Variants in NRXN3 observed in about 807,000 individuals in gnomAD.
NRXN3 encodes the protein neurexin 3, also known as neurexin III.
Under a neutral mutation model 137.6 loss-of-function variants are expected in NRXN3, and 32 were observed. That is an observed-to-expected ratio of 0.23 (90% CI 0.18 to 0.31). The LOEUF is 0.31. Among genes scored for constraint, NRXN3 ranks in the 10% least tolerant of loss-of-function variants. The pLI, the probability that NRXN3 is intolerant of heterozygous loss-of-function variation, is 1.00. For missense variants in NRXN3, 1,574 were observed against 2,062.5 expected (o/e 0.76, Z 4.59); for synonymous variants, 798 against 784.5 (o/e 1.02, Z -0.29).
chr14:78,403,701 C>T (rs922768084), intron 4 of NRXN3: 1 of 985,206 alleles, frequency 1.0e-6, no homozygotes, highest in African/African-American at 1.7e-5. Context: ...CAGCTTCCTG[C>T]ACACTGTTGT....
intron 15 of NRXN3, among the ~76,000 whole-genome samples, chr14:79,161,115 A>G (rs2060726806): frequency 6.6e-6 from 1 of 151,952 alleles, no homozygotes; most frequent in South Asian, 2.1e-4. Flanking sequence ...TCTTCATATA[A>G]TGCACAGACT....
At chr14:78,926,026 T>C (rs1021873226) in intron 10 of NRXN3, among the ~76,000 whole-genome samples, 1 of 152,228 alleles carries the variant, frequency 6.6e-6, no homozygotes, top group Non-Finnish European at 1.5e-5. Context: ...ATTCCCCTTT[T>C]ACAGCTGAGG....
intron 4 of NRXN3, among the ~76,000 whole-genome samples, chr14:78,628,626 T>C (rs1484356246): frequency 2.0e-5 from 3 of 152,176 alleles, no homozygotes; most frequent in Non-Finnish European, 4.4e-5. Context: ...ACCCCAGTAA[T>C]GGTTGGGTAC....
intron 16 of NRXN3, among the ~76,000 whole-genome samples, chr14:79,627,525 A>G (rs2098295602): frequency 6.6e-6 from 1 of 152,186 alleles, no homozygotes; most frequent in Non-Finnish European, 1.5e-5. Flanking sequence ...TGATAACCTT[A>G]TTCATTATTA....
chr14:78,745,648 A>G (rs1290832255), intron 8 of NRXN3, among the ~76,000 whole-genome samples: 2 of 152,182 alleles, frequency 1.3e-5, no homozygotes, highest in East Asian at 3.9e-4. Context: ...TGCCAGGCAC[A>G]GTTTATTTGT....
At chr14:79,351,764 C>A (rs1478490531) in intron 15 of NRXN3, among the ~76,000 whole-genome samples, 1 of 152,158 alleles carries the variant, frequency 6.6e-6, no homozygotes, top group African/African-American at 2.4e-5. Flanking sequence ...AGTAAAAGCA[C>A]CCATCATGAC....
intron 15 of NRXN3, among the ~76,000 whole-genome samples, chr14:79,427,446 A>T (rs1236522597): frequency 6.7e-6 from 1 of 149,202 alleles, no homozygotes; most frequent in Non-Finnish European, 1.5e-5. Context: ...ACACACAAAC[A>T]CACACACACA....
At chr14:79,511,742 T>C (rs547912943) in intron 16 of NRXN3, among the ~76,000 whole-genome samples, 12 of 152,186 alleles carry the variant, frequency 7.9e-5, no homozygotes, top group Non-Finnish European at 1.3e-4. Flanking sequence ...CCAAATCCTA[T>C]GTTTTCTCTG....
intron 16 of NRXN3, among the ~76,000 whole-genome samples, chr14:79,516,168 A>G (rs1255989277): frequency 1.3e-5 from 2 of 152,142 alleles, no homozygotes; most frequent in South Asian, 2.1e-4. Flanking sequence ...CGCTCCATCT[A>G]ATGAATGTTG....
intron 15 of NRXN3, among the ~76,000 whole-genome samples, chr14:79,178,065 A>T (rs566996294): frequency 2.0e-5 from 3 of 152,204 alleles, no homozygotes; most frequent in Non-Finnish European, 4.4e-5. Flanking sequence ...CTCCATTGGT[A>T]TCCTCAACCT....
chr14:79,511,193 G>C (rs2096929160), intron 16 of NRXN3, among the ~76,000 whole-genome samples: 1 of 152,218 alleles, frequency 6.6e-6, no homozygotes, highest in Non-Finnish European at 1.5e-5. Context: ...TCACTGGAAA[G>C]ATAGCAAGTG....
At chr14:78,260,257 A>G (rs528406290) in intron 2 of NRXN3, among the ~76,000 whole-genome samples, 14 of 152,326 alleles carry the variant, frequency 9.2e-5, no homozygotes, top group African/African-American at 2.9e-4. Context: ...CTCTTCACAT[A>G]TGGCAGAGAA....
At chr14:78,733,478 C>T (rs2098526652) in intron 8 of NRXN3, among the ~76,000 whole-genome samples, 1 of 152,092 alleles carries the variant, frequency 6.6e-6, no homozygotes, top group South Asian at 2.1e-4. Context: ...TGCGACCATC[C>T]AAGCAAAGTG....
chr14:78,980,446 T>A (rs2099486593), intron 14 of NRXN3, among the ~76,000 whole-genome samples: 1 of 152,234 alleles, frequency 6.6e-6, no homozygotes, highest in African/African-American at 2.4e-5. Flanking sequence ...GGAAAGTGCA[T>A]TCTGATACTA....
chr14:79,272,315 A>G (rs1374996675), intron 15 of NRXN3, among the ~76,000 whole-genome samples: 2 of 149,170 alleles, frequency 1.3e-5, no homozygotes, highest in East Asian at 4.0e-4. Flanking sequence ...TGCTTTGCCC[A>G]TAGTATGTAT....
intron 4 of NRXN3, among the ~76,000 whole-genome samples, chr14:78,463,915 T>G (rs2095011840): frequency 2.0e-5 from 3 of 151,930 alleles, no homozygotes; most frequent in Admixed American, 2.0e-4. Flanking sequence ...TGTTCAGTAT[T>G]GCCCCTTTGC....
intron 16 of NRXN3, among the ~76,000 whole-genome samples, chr14:79,609,463 A>C (rs2098070906): frequency 6.6e-6 from 1 of 152,246 alleles, no homozygotes; most frequent in Non-Finnish European, 1.5e-5. Flanking sequence ...TCCCCGGCAG[A>C]GTAAGAGGAA....
chr14:78,223,241 G>A (rs1160931534), intron 1 of NRXN3, among the ~76,000 whole-genome samples: 4 of 152,174 alleles, frequency 2.6e-5, no homozygotes. Flanking sequence ...AAGGCCTCTT[G>A]GAATCTTTAA....
At chr14:79,325,022 C>T (rs2090639154) in intron 15 of NRXN3, among the ~76,000 whole-genome samples, 2 of 152,206 alleles carry the variant, frequency 1.3e-5, no homozygotes, top group Admixed American at 1.3e-4. Flanking sequence ...TTCATGAACA[C>T]ATAAGGTCTG....
Sources: allele counts gnomAD v4.1 joint callset (sites outside exome capture counted in the v4.1 genomes callset), GRCh38; gene constraint gnomAD v4.1.1; transcripts MANE v1.5; gene names NCBI Gene and HGNC (gene_info 2026-07-23, HGNC 2026-07-21).